Variants in ADCY2 observed in about 807,000 individuals in gnomAD.
ADCY2 encodes adenylate cyclase type 2.
A neutral mutation model predicts 125.2 loss-of-function variants in ADCY2; 31 were observed. That is an observed-to-expected ratio of 0.25 (90% CI 0.19 to 0.33). The LOEUF is 0.33. Ranked by LOEUF, ADCY2 falls within the 10% of genes least tolerant of loss-of-function variation. The probability of loss-of-function intolerance (pLI) is 1.00; values close to 1 mark genes in which losing one functional copy is unlikely to be tolerated. For synonymous variants in ADCY2, 512 were observed against 548.4 expected (o/e 0.93, Z 0.93); for missense variants, 904 against 1,418.2 (o/e 0.64, Z 5.82).
Position 7,806,415 on chromosome 5 carries a change from A to G in ADCY2, c.2883+1723A>G, listed in dbSNP as rs1744763967. On this transcript the variant is annotated intron_variant, in intron 22 of 24. Coordinates refer to ENST00000338316, the MANE Select transcript of ADCY2 (RefSeq NM_020546.3). ...AACACTGTCAGGACCTATGTGTCTTAGTCTGCTTGGCCTGCCAGGCAGAAT... is the reference window on the plus strand; with the variant it reads ...AACACTGTCAGGACCTATGTGTCTTGGTCTGCTTGGCCTGCCAGGCAGAAT... Among the ~76,000 whole-genome samples, 3 of 152,114 alleles carry G rather than the reference A, an allele frequency of 2.0e-5. No homozygotes were observed. In the South Asian group the frequency reaches 6.2e-4, roughly 32 times the overall value.
At chr5:7,535,380 C>T (rs1359332077) in intron 3 of ADCY2, among the ~76,000 whole-genome samples, 1 of 152,180 alleles carries the variant, frequency 6.6e-6, no homozygotes, top group Non-Finnish European at 1.5e-5. Flanking sequence ...TTGACTAAAT[C>T]TAGAGTGTTT....
chr5:7,637,562 T>TA (rs1419450411), intron 4 of ADCY2, among the ~76,000 whole-genome samples: 1 of 151,946 alleles, frequency 6.6e-6, no homozygotes, highest in East Asian at 1.9e-4. Context: ...TAATAGCTAC[T>TA]AAAAAGGTTT....
At chr5:7,751,290 TGTC>T (rs1318028378) in intron 15 of ADCY2, among the ~76,000 whole-genome samples, 2 of 152,226 alleles carry the variant, frequency 1.3e-5, no homozygotes, top group East Asian at 1.9e-4. Flanking sequence ...TTCAGGTTGT[TGTC>T]GTATCTGCAG....
chr5:7,400,374 A>G (rs925410996), intron 1 of ADCY2, among the ~76,000 whole-genome samples: 1 of 152,206 alleles, frequency 6.6e-6, no homozygotes, highest in Non-Finnish European at 1.5e-5. Context: ...TAAAACAATA[A>G]CCAGAGGTAT....
chr5:7,494,957 T>A (rs1431082936), intron 2 of ADCY2, among the ~76,000 whole-genome samples: 1 of 152,224 alleles, frequency 6.6e-6, no homozygotes, highest in African/African-American at 2.4e-5. Context: ...GTTGTGGATG[T>A]GCCAGTGGCT....
intron 2 of ADCY2, among the ~76,000 whole-genome samples, chr5:7,498,528 G>A (rs573129983): frequency 9.2e-5 from 14 of 152,148 alleles, no homozygotes; most frequent in Admixed American, 2.6e-4. Context: ...GATTACAGGC[G>A]TGAGCCACCG....
intron 10 of ADCY2, among the ~76,000 whole-genome samples, chr5:7,711,359 AG>A (rs1445648946): frequency 3.3e-5 from 5 of 152,208 alleles, no homozygotes; most frequent in Non-Finnish European, 5.9e-5. Context: ...AGTTAGCCTC[AG>A]TCTTGCTAGT....
At chr5:7,759,159 G>A (rs1225981161) in intron 16 of ADCY2, among the ~76,000 whole-genome samples, 9 of 152,184 alleles carry the variant, frequency 5.9e-5, no homozygotes, top group Non-Finnish European at 1.0e-4. Flanking sequence ...AGAGGTGAAT[G>A]TGTGCAATTC....
chr5:7,727,070 T>G (rs965311407), intron 13 of ADCY2, 94 bp from the exon 14 acceptor site: 89 of 850,026 alleles, frequency 1.0e-4, no homozygotes, highest in Non-Finnish European at 1.5e-4. Context: ...TTTCTGAGTG[T>G]GGTGCATGCT....
intron 3 of ADCY2, among the ~76,000 whole-genome samples, chr5:7,524,899 A>T (rs942019343): frequency 3.3e-5 from 5 of 152,224 alleles, no homozygotes; most frequent in African/African-American, 1.2e-4. Context: ...GAAACTAGGC[A>T]TCTAACTTGT....
chr5:7,593,561 GA>G (rs112451499), intron 3 of ADCY2, among the ~76,000 whole-genome samples: 125 of 148,606 alleles, frequency 8.4e-4, no homozygotes, highest in South Asian at 2.8e-3. Context: ...GATAGGATGA[GA>G]AAAAAAAAAT....
chr5:7,508,746 C>G (rs1247827351), intron 2 of ADCY2, among the ~76,000 whole-genome samples: 1 of 152,210 alleles, frequency 6.6e-6, no homozygotes, highest in East Asian at 1.9e-4. Flanking sequence ...TCTGATCAGG[C>G]ATTCCACCAC....
At chr5:7,706,698 A>C in intron 7 of ADCY2, 46 bp from the exon 8 acceptor site, 1 of 1,602,296 alleles carries the variant, frequency 6.2e-7, no homozygotes, top group Non-Finnish European at 8.5e-7. Flanking sequence ...AGTTAAAGGA[A>C]ACAGTGGATG....
Position 7,757,516 on chromosome 5 carries a change from G to T in ADCY2, c.2024G>T (p.Arg675Leu). The stretch of plus-strand genomic sequence containing the variant: ...AAGTCCTCGGGCATCATTGCCAACC[G>T]CCCCTGGCCACGGATCTCTCTCACG... ...LLKSSGIIAN[R>L]PWPRISLTII... Residue 675 changes from arginine (R) to leucine (L), a missense_variant, in exon 16 of 25, where the codon CGC becomes CTC. By Grantham distance (102) the Arg-to-Leu change is moderately radical. Coordinates refer to ENST00000338316, the MANE Select transcript of ADCY2 (RefSeq NM_020546.3). The T allele has an allele frequency of 1.2e-6, 2 of 1,613,854 alleles. No homozygotes were observed. Among genetic ancestry groups the T allele is most frequent in the South Asian group, 2.2e-5 (2 of 91,056 alleles).
At chr5:7,533,663 A>G (rs971631130) in intron 3 of ADCY2, among the ~76,000 whole-genome samples, 4 of 152,084 alleles carry the variant, frequency 2.6e-5, no homozygotes, top group Non-Finnish European at 5.9e-5. Flanking sequence ...TATTTTCTAT[A>G]TATTTTGCTA....
chr5:7,697,888 G>A (rs370019278), intron 6 of ADCY2, among the ~76,000 whole-genome samples: 212 of 152,298 alleles, frequency 1.4e-3, no homozygotes, highest in African/African-American at 4.9e-3. Context: ...TACTCTGAAA[G>A]ACTCAGCTGG....
chr5:7,764,990 A>G (rs1743336629), intron 16 of ADCY2, among the ~76,000 whole-genome samples: 1 of 152,238 alleles, frequency 6.6e-6, no homozygotes, highest in Non-Finnish European at 1.5e-5. Flanking sequence ...CTAGAAAGAC[A>G]TAGCAGAAGT....
chr5:7,411,277 G>A (rs116059275), intron 1 of ADCY2, among the ~76,000 whole-genome samples: 1,924 of 152,214 alleles, frequency 0.013, 42 homozygotes, highest in African/African-American at 0.044. Context: ...GCCGTTGGCC[G>A]TCAGAGCCTC....
intron 2 of ADCY2, among the ~76,000 whole-genome samples, chr5:7,490,270 A>G (rs1326222939): frequency 6.6e-6 from 1 of 152,220 alleles, no homozygotes; most frequent in Admixed American, 6.5e-5. Flanking sequence ...CATGGTTTAT[A>G]TCTTTAAGAA....
Sources: allele counts gnomAD v4.1 joint callset (sites outside exome capture counted in the v4.1 genomes callset), GRCh38; gene constraint gnomAD v4.1.1; transcripts MANE v1.5; gene names NCBI Gene and HGNC (gene_info 2026-07-23, HGNC 2026-07-21).